The following SYDE2 variants were observed in gnomAD, a reference collection of about 807,000 sequenced individuals.
SYDE2 encodes the protein synapse defective Rho GTPase homolog 2.
Under a neutral mutation model 91.5 loss-of-function variants are expected in SYDE2, and 76 were observed. That is an observed-to-expected ratio of 0.83 (90% CI 0.69 to 1.01). The LOEUF (loss-of-function observed/expected upper bound fraction) is 1.01, where lower values mean the gene tolerates loss of function less well. Ranked by LOEUF, SYDE2 falls within the 50% of genes least tolerant of loss-of-function variation. The probability of loss-of-function intolerance (pLI) is 0.00; values close to 1 mark genes in which losing one functional copy is unlikely to be tolerated. For synonymous variants in SYDE2, 513 were observed against 506.4 expected, an observed-to-expected ratio of 1.01 and a Z score of -0.18; for missense variants, 1,364 against 1,367.7, an observed-to-expected ratio of 1.00 and a Z score of 0.04.
rs1397896048 is a variant in SYDE2 at position 85,157,132 on chromosome 1, A to G, written c.*1618T>C. ...CAAATTAAATAATGTCTGTTTATCA[A>G]TATTTATTGCATAGAAATATTTTAA... On this transcript the variant is annotated 3_prime_UTR_variant, in exon 7 of 7. Coordinates refer to ENST00000341460, the MANE Select transcript of SYDE2 (RefSeq NM_032184.2). The G allele has an allele frequency of 6.6e-6, 1 of 152,038 alleles. No homozygotes were observed. The highest frequency in any genetic ancestry group is 1.5e-5 in the Non-Finnish European group (1 of 67,936). 9.4% of individuals were successfully genotyped at this position (152,038 alleles called of 1,614,324 possible).
intron 4 of SYDE2, among the ~76,000 whole-genome samples, chr1:85,170,112 CTCTTTTTTTTTT>C (rs1657449420): frequency 1.3e-5 from 1 of 79,866 alleles, no homozygotes; most frequent in Admixed American, 1.6e-4. Flanking sequence ...AGCTTCCCAT[CTCTTTTTTTTTT>C]TTTTTTTTAA....
chr1:85,164,595 CT>C lies in SYDE2; in HGVS notation c.3015del (p.Glu1006AsnfsTer27). 1 of 1,608,040 alleles carries C rather than the reference CT, an allele frequency of 6.2e-7. No homozygotes were observed. Among genetic ancestry groups the C allele is most frequent in the Non-Finnish European group, 8.5e-7 (1 of 1,177,048 alleles). On this transcript the variant is annotated frameshift_variant, in exon 6 of 7. Transcript: ENST00000341460. LOFTEE classifies it high-confidence loss of function. Reference sequence around the variant, plus strand: ...TTAAAATCCAAAGCACTTGCAAGTTCTTCTGAATCAGTAAAGACTCTGTTGT... The same window carrying C: ...TTAAAATCCAAAGCACTTGCAAGTTCTCTGAATCAGTAAAGACTCTGTTGT... ...THNNRVFTDS[E>X]ELASALDFKK...
intron 5 of SYDE2, among the ~76,000 whole-genome samples, chr1:85,165,865 A>ATTTTTT (rs529987571): frequency 1.1e-5 from 1 of 94,138 alleles, no homozygotes; most frequent in Non-Finnish European, 2.0e-5. Context: ...AAAAACTTTA[A>ATTTTTT]TTTTTTTTTT....
Position 85,200,642 on chromosome 1 carries a change from GC to G in SYDE2, c.354del (p.Glu118AspfsTer49). ...TCCATCCTGCCTCCACGTGGCGGGG[GC>G]TCGTCCCAGTCCCGGTGCGCGCCGC... ...IRCGAHRDWD[E>X]PPPRGGRMDG... On this transcript the variant is annotated frameshift_variant, in exon 1 of 7. Coordinates refer to ENST00000341460, the MANE Select transcript of SYDE2 (RefSeq NM_032184.2). LOFTEE classifies it high-confidence loss of function. The G allele has an allele frequency of 6.5e-7, 1 of 1,542,938 alleles. No homozygotes were observed. The highest frequency in any genetic ancestry group is 8.7e-7 in the Non-Finnish European group (1 of 1,149,680).
chr1:85,195,102 T>C (rs975310719), intron 1 of SYDE2, among the ~76,000 whole-genome samples: 11 of 151,408 alleles, frequency 7.3e-5, no homozygotes, highest in Admixed American at 5.3e-4. Context: ...AGAGCTTGCA[T>C]TGAGCCGAGA....
At chr1:85,193,221 T>C (rs1031762882) in intron 1 of SYDE2, among the ~76,000 whole-genome samples, 7 of 152,250 alleles carry the variant, frequency 4.6e-5, no homozygotes, top group African/African-American at 1.4e-4. Context: ...AGTGATCACA[T>C]GATTTTGCCA....
At chr1:85,174,672 C>A (rs1021453898) in intron 4 of SYDE2, among the ~76,000 whole-genome samples, 10 of 145,082 alleles carry the variant, frequency 6.9e-5, no homozygotes, top group African/African-American at 2.0e-4. Flanking sequence ...TTTGGCCTTA[C>A]CACCTACTTT....
At chr1:85,160,003 CACACATTACTT>C (rs76044313) in intron 6 of SYDE2, 71,219 of 971,520 alleles carry the variant, frequency 0.073, 3,199 homozygotes, top group Middle Eastern at 0.099. Context: ...ACCACAGAGA[CACACATTACTT>C]CATTACAAAC....
chr1:85,178,431 ATTAGT>A (rs1331654728), intron 3 of SYDE2, among the ~76,000 whole-genome samples, 159 bp from the exon 4 acceptor site: 2 of 152,198 alleles, frequency 1.3e-5, no homozygotes, highest in Non-Finnish European at 2.9e-5. Flanking sequence ...TACTATGTTG[ATTAGT>A]TTAATAAAAA....
At chr1:85,169,320 C>A in intron 4 of SYDE2, 95 bp from the exon 5 acceptor site, 1 of 859,406 alleles carries the variant, frequency 1.2e-6, no homozygotes, top group Non-Finnish European at 1.8e-6. Context: ...TTATAGCCAA[C>A]TTTCAACATT....
chr1:85,189,182 T>G (rs1025187148), intron 2 of SYDE2, among the ~76,000 whole-genome samples: 4 of 152,208 alleles, frequency 2.6e-5, no homozygotes, highest in Admixed American at 6.5e-5. Context: ...CCATAACTAC[T>G]GTAGCACTTA....
chr1:85,160,265 G>GACAACTGA (rs1381337289), intron 6 of SYDE2: 22 of 955,064 alleles, frequency 2.3e-5, no homozygotes, highest in Non-Finnish European at 2.7e-5. Context: ...TATAAAATAA[G>GACAACTGA]ACAACTGAAA....
At chr1:85,184,280 A>C (rs1658043208) in intron 2 of SYDE2, among the ~76,000 whole-genome samples, 1 of 152,160 alleles carries the variant, frequency 6.6e-6, no homozygotes, top group Admixed American at 6.5e-5. Flanking sequence ...AAACTGGCAA[A>C]CTTTGTAGAA....
At chr1:85,187,104 G>T (rs1034344722) in intron 2 of SYDE2, among the ~76,000 whole-genome samples, 1 of 151,936 alleles carries the variant, frequency 6.6e-6, no homozygotes, top group Non-Finnish European at 1.5e-5. Flanking sequence ...GAAAATTTTC[G>T]CAACCTACTC....
intron 3 of SYDE2, chr1:85,181,090 A>T (rs1161195295): frequency 6.7e-6 from 1 of 148,280 alleles, no homozygotes; most frequent in Non-Finnish European, 1.5e-5. Flanking sequence ...GAAGAGGGGA[A>T]GTTTCAATAG....
rs2100673561 is a variant in SYDE2 at position 85,182,819 on chromosome 1, T to C, written c.1823A>G (p.Asn608Ser). ...GCAGGAATACTTAGAACTCATAGAG[T>C]TTTTCTTCTGGTAGCTCTGCTGGGA... Reference protein sequence around the residue: ...VSSQQSYQKKNSMSSKYSCKG... With the variant: ...VSSQQSYQKKSSMSSKYSCKG... The change falls in exon 3 of 7, where the codon AAC becomes AGC. Residue 608 changes from asparagine (N) to serine (S), a missense_variant. Asn to Ser is a conservative substitution (Grantham distance 46). Coordinates refer to ENST00000341460, the MANE Select transcript of SYDE2 (RefSeq NM_032184.2). The C allele has an allele frequency of 1.9e-6, 3 of 1,613,542 alleles. No individual in the cohort carries two copies. The highest frequency in any genetic ancestry group is 1.7e-4 in the Middle Eastern group (1 of 6,056).
At chr1:85,154,040 G>A (rs922710180), downstream of SYDE2, 1 of 152,114 alleles carries the variant, frequency 6.6e-6, no homozygotes, top group Non-Finnish European at 1.5e-5. Context: ...TGGCACTTCA[G>A]TGTTTATCAC....
At chr1:85,199,068 T>C (rs1479143303) in intron 1 of SYDE2, among the ~76,000 whole-genome samples, 2 of 152,208 alleles carry the variant, frequency 1.3e-5, no homozygotes, top group African/African-American at 4.8e-5. Flanking sequence ...TTTGTCTTCA[T>C]TGTTTGATAA....
At chr1:85,162,590 G>A (rs1657102701) in intron 6 of SYDE2, among the ~76,000 whole-genome samples, 1 of 152,132 alleles carries the variant, frequency 6.6e-6, no homozygotes, top group East Asian at 1.9e-4. Context: ...TTGGAATAAG[G>A]TGCTGTACAC....
Sources: gnomAD v4.1 joint callset for allele counts (sites outside exome capture counted in the v4.1 genomes callset) on GRCh38, gnomAD v4.1.1 for gene constraint, MANE v1.5 for transcripts, NCBI Gene and HGNC (gene_info 2026-07-23, HGNC 2026-07-21) for gene names.